MLLT3: variants seen among roughly 807,000 people sequenced by gnomAD.
MLLT3 encodes the protein protein AF-9.
Under a neutral mutation model 53.2 loss-of-function variants are expected in MLLT3, and 4 were observed. The ratio of observed to expected loss-of-function variants is 0.08; its 90% CI spans 0.04 to 0.17. MLLT3 has a LOEUF of 0.17. MLLT3 is among the 10% of genes least tolerant of loss of function. The probability of loss-of-function intolerance (pLI) is 1.00; values close to 1 mark genes in which losing one functional copy is unlikely to be tolerated. For synonymous variants in MLLT3, 283 were observed against 230.6 expected (o/e 1.23, Z -2.06); for missense variants, 569 against 684.0 (o/e 0.83, Z 1.87).
intron 3 of MLLT3, among the ~76,000 whole-genome samples, chr9:20,450,343 GTGACC>G (rs1422923085): frequency 2.0e-5 from 3 of 152,088 alleles, no homozygotes; most frequent in African/African-American, 7.2e-5. Context: ...ACTTCCCACA[GTGACC>G]AGAGAGTGAT....
intron 5 of MLLT3, among the ~76,000 whole-genome samples, chr9:20,392,538 A>G (rs949050527): frequency 6.6e-6 from 1 of 152,156 alleles, no homozygotes; most frequent in Non-Finnish European, 1.5e-5. Context: ...ATAATTACTT[A>G]ATTTTAAATG....
At chr9:20,432,131 A>G (rs1823287388) in intron 4 of MLLT3, among the ~76,000 whole-genome samples, 1 of 152,228 alleles carries the variant, frequency 6.6e-6, no homozygotes, top group Non-Finnish European at 1.5e-5. Flanking sequence ...ATTCACATTC[A>G]AATTCAGCAG....
intron 6 of MLLT3, 120 bp downstream of exon 6, chr9:20,365,549 C>T (rs1821428757): frequency 1.1e-5 from 12 of 1,130,920 alleles, no homozygotes; most frequent in Admixed American, 2.2e-5. Context: ...ACGGTTTCAC[C>T]GTGTTAGCTA....
At chr9:20,598,773 T>G (rs1348227771) in intron 2 of MLLT3, among the ~76,000 whole-genome samples, 1 of 152,240 alleles carries the variant, frequency 6.6e-6, no homozygotes, top group Admixed American at 6.5e-5. Flanking sequence ...TAAAGGTGAT[T>G]CACTCAAAAG....
chr9:20,515,979 A>G (rs761735581), intron 2 of MLLT3, among the ~76,000 whole-genome samples: 5 of 152,264 alleles, frequency 3.3e-5, no homozygotes, highest in African/African-American at 9.6e-5. Flanking sequence ...ATGTTACTAG[A>G]CATGTTATAT....
At chr9:20,559,109 T>C (rs936361142) in intron 2 of MLLT3, among the ~76,000 whole-genome samples, 1 of 152,216 alleles carries the variant, frequency 6.6e-6, no homozygotes. Flanking sequence ...ATATGGTCTC[T>C]CGGGAATCAT....
At chr9:20,594,161 G>T (rs181069478) in intron 2 of MLLT3, among the ~76,000 whole-genome samples, 1 of 151,954 alleles carries the variant, frequency 6.6e-6, no homozygotes, top group Non-Finnish European at 1.5e-5. Flanking sequence ...AGCTGGTCTC[G>T]AACTCCTGAC....
rs143154902 is a variant in MLLT3 at position 20,455,510 on chromosome 9, T to G, written c.276+1194A>C. Among the ~76,000 whole-genome samples, 688 of 152,312 alleles carry G rather than the reference T, an allele frequency of 4.5e-3. 8 individuals are homozygous for G. The highest frequency in any genetic ancestry group is 0.039 in the South Asian group (186 of 4,814). ...TCCAGAGATTCTGATTTGATACATC[T>G]GGGTAGAATTTGAGAATCTCATTTC... On this transcript the variant is annotated intron_variant, in intron 3 of 10. Coordinates refer to ENST00000380338, the MANE Select transcript of MLLT3 (RefSeq NM_004529.4).
intron 2 of MLLT3, among the ~76,000 whole-genome samples, chr9:20,585,350 G>T (rs546303481): frequency 6.6e-6 from 1 of 152,224 alleles, no homozygotes; most frequent in East Asian, 1.9e-4. Context: ...TCAGATCAGG[G>T]TCCCACCCTT....
chr9:20,535,020 G>A (rs1189739199), intron 2 of MLLT3, among the ~76,000 whole-genome samples: 1 of 152,196 alleles, frequency 6.6e-6, no homozygotes, highest in East Asian at 1.9e-4. Context: ...CAAAGACTAA[G>A]TCTTTTATAG....
chr9:20,430,387 G>A (rs1421856145), intron 4 of MLLT3, among the ~76,000 whole-genome samples: 2 of 152,070 alleles, frequency 1.3e-5, no homozygotes, highest in African/African-American at 4.8e-5. Flanking sequence ...TGAAATGATA[G>A]TAATTACAAC....
chr9:20,430,696 TAGG>T (rs1281090830), intron 4 of MLLT3, among the ~76,000 whole-genome samples: 1 of 152,120 alleles, frequency 6.6e-6, no homozygotes, highest in African/African-American at 2.4e-5. Context: ...GACCTTGGTA[TAGG>T]AGAATATACT....
chr9:20,486,511 A>T (rs546331665), intron 2 of MLLT3, among the ~76,000 whole-genome samples: 16 of 152,302 alleles, frequency 1.1e-4, no homozygotes, highest in Admixed American at 4.6e-4. Context: ...CTACAGGCCA[A>T]CATTAAAGCA....
At chr9:20,401,682 G>A (rs1012528967) in intron 5 of MLLT3, among the ~76,000 whole-genome samples, 7 of 152,122 alleles carry the variant, frequency 4.6e-5, no homozygotes, top group African/African-American at 1.7e-4. Flanking sequence ...TCTTTTTAAT[G>A]AACTTCCCTG....
chr9:20,512,849 T>C (rs963071184), intron 2 of MLLT3, among the ~76,000 whole-genome samples: 2 of 152,222 alleles, frequency 1.3e-5, no homozygotes, highest in Admixed American at 6.5e-5. Context: ...GCAGAGCCTG[T>C]CTTTTGGTTA....
chr9:20,534,602 G>C (rs745595171), intron 2 of MLLT3, among the ~76,000 whole-genome samples: 4 of 152,114 alleles, frequency 2.6e-5, no homozygotes, highest in Non-Finnish European at 4.4e-5. Context: ...AAATTATAAA[G>C]AAAAGGCCAG....
chr9:20,553,066 T>C (rs1203696439), intron 2 of MLLT3, among the ~76,000 whole-genome samples: 1 of 152,234 alleles, frequency 6.6e-6, no homozygotes, highest in East Asian at 1.9e-4. Context: ...TGATCTTTTA[T>C]TATGAGTAAT....
chr9:20,359,145 CAA>C (rs920197622), intron 8 of MLLT3, among the ~76,000 whole-genome samples: 252 of 20,906 alleles, frequency 0.012, 1 homozygote, highest in African/African-American at 0.038. Context: ...AACTCCATCT[CAA>C]AAAAAAAAAA....
chr9:20,478,984 G>C (rs1025417016), intron 2 of MLLT3, among the ~76,000 whole-genome samples: 1 of 152,156 alleles, frequency 6.6e-6, no homozygotes, highest in African/African-American at 2.4e-5. Context: ...GAATGAGATT[G>C]ACAGGAACTG....
Sources: allele counts gnomAD v4.1 joint callset (sites outside exome capture counted in the v4.1 genomes callset), GRCh38; gene constraint gnomAD v4.1.1; transcripts MANE v1.5; gene names NCBI Gene and HGNC (gene_info 2026-07-23, HGNC 2026-07-21).